Variants in MLLT3 observed in about 807,000 individuals in gnomAD.
The protein encoded by MLLT3 is MLLT3 super elongation complex subunit, also known as protein AF-9.
Under a neutral mutation model 53.2 loss-of-function variants are expected in MLLT3, and 4 were observed. That is an observed-to-expected ratio of 0.08 (90% CI 0.04 to 0.17). The LOEUF is 0.17. Among genes scored for constraint, MLLT3 ranks in the 10% least tolerant of loss-of-function variants. The probability of loss-of-function intolerance (pLI) is 1.00; values close to 1 mark genes in which losing one functional copy is unlikely to be tolerated. For synonymous variants in MLLT3, 283 were observed against 230.6 expected (o/e 1.23, Z -2.06); for missense variants, 569 against 684.0 (o/e 0.83, Z 1.87).
chr9:20,343,701 T>C lies in MLLT3; in HGVS notation c.*2742A>G, dbSNP rs1820797658. The C allele has an allele frequency of 4.5e-6, 1 of 221,554 alleles. No individual in the cohort carries two copies. Among genetic ancestry groups the C allele is most frequent in the African/African-American group, 2.2e-5 (1 of 44,660 alleles). 13.7% of individuals were successfully genotyped at this position (221,554 alleles called of 1,614,324 possible). ...TCAAACCATATTCACATTTACCCAA[T>C]TAATTTTATTTGAAACATCTATTTA... On this transcript the variant is annotated 3_prime_UTR_variant, in exon 11 of 11. Transcript: ENST00000380338.
Position 20,354,793 on chromosome 9 carries a change from A to G in MLLT3, c.1503+15T>C. The G allele has an allele frequency of 6.3e-7, 1 of 1,577,148 alleles. No individual in the cohort carries two copies. On this transcript the variant is annotated intron_variant, in intron 9 of 10. Coordinates refer to ENST00000380338, the MANE Select transcript of MLLT3 (RefSeq NM_004529.4). ...TCAGTGTTGGAGCCCTCCTAGTAAC[A>G]GACTAGAAACCTACCTTGTCACATT... is the stretch of plus-strand genomic sequence containing the variant.
At chr9:20,406,595 G>T (rs1441065796) in intron 5 of MLLT3, among the ~76,000 whole-genome samples, 2 of 152,104 alleles carry the variant, frequency 1.3e-5, no homozygotes, top group African/African-American at 4.8e-5. Context: ...TAAGCACTGA[G>T]GTCTCAAACC....
intron 2 of MLLT3, among the ~76,000 whole-genome samples, chr9:20,462,673 T>G (rs1824139950): frequency 6.6e-6 from 1 of 152,122 alleles, no homozygotes; most frequent in Non-Finnish European, 1.5e-5. Flanking sequence ...TGCATCATAT[T>G]AGCTAATCCT....
At chr9:20,424,849 G>A (rs1250355213) in intron 4 of MLLT3, among the ~76,000 whole-genome samples, 1 of 152,118 alleles carries the variant, frequency 6.6e-6, no homozygotes, top group Non-Finnish European at 1.5e-5. Context: ...CACAAAGTGA[G>A]CCTAATGATT....
chr9:20,583,418 A>T (rs1308800721), intron 2 of MLLT3, among the ~76,000 whole-genome samples: 7 of 152,076 alleles, frequency 4.6e-5, no homozygotes. Flanking sequence ...CCTTCTTCTC[A>T]CAGTTCCACT....
At chr9:20,426,578 G>A (rs889584753) in intron 4 of MLLT3, among the ~76,000 whole-genome samples, 2 of 152,022 alleles carry the variant, frequency 1.3e-5, no homozygotes, top group Admixed American at 6.6e-5. Context: ...ATGCTATCTT[G>A]TTACCTTCTC....
intron 5 of MLLT3, among the ~76,000 whole-genome samples, chr9:20,396,355 G>A (rs1208878344): frequency 1.3e-5 from 2 of 152,030 alleles, no homozygotes; most frequent in African/African-American, 4.8e-5. Context: ...TATGTGCCAG[G>A]TACTTTTTAC....
At chr9:20,423,548 C>G (rs1270249406) in intron 4 of MLLT3, among the ~76,000 whole-genome samples, 2 of 151,956 alleles carry the variant, frequency 1.3e-5, no homozygotes, top group Non-Finnish European at 1.5e-5. Context: ...TACAGTGGCT[C>G]ATACCTGTAA....
In MLLT3 at chr9:20,354,862, A is replaced by G. The variant is rs1193718245; in HGVS notation, c.1449T>C (p.Ser483=). 2 of 1,612,148 alleles carry G rather than the reference A, an allele frequency of 1.2e-6. No homozygotes were observed. The highest frequency in any genetic ancestry group is 4.5e-5 in the East Asian group (2 of 44,848). Residue 483 remains serine (S), a synonymous_variant, in exon 9 of 11, where the codon AGT becomes AGC. Coordinates refer to ENST00000380338, the MANE Select transcript of MLLT3 (RefSeq NM_004529.4). ...TATCTGATTTGCTTTGCTTTATTGGACTTTTCACTTCAAGAATCTAGGGAT... is the reference window on the plus strand; with the variant it reads ...TATCTGATTTGCTTTGCTTTATTGGGCTTTTCACTTCAAGAATCTAGGGAT... ...TNNNQILEVK[S]PIKQSKSDKQ...
chr9:20,510,495 C>G (rs1182054960), intron 2 of MLLT3, among the ~76,000 whole-genome samples: 2 of 151,608 alleles, frequency 1.3e-5, no homozygotes, highest in African/African-American at 4.9e-5. Context: ...ACCTCTAATC[C>G]CAGCTACTCA....
chr9:20,498,998 G>T (rs1330169871), intron 2 of MLLT3, among the ~76,000 whole-genome samples: 2 of 152,134 alleles, frequency 1.3e-5, no homozygotes, highest in African/African-American at 4.8e-5. Flanking sequence ...AGTGTCAGTA[G>T]GGCCATATTC....
At chr9:20,403,022 T>C (rs1327556409) in intron 5 of MLLT3, among the ~76,000 whole-genome samples, 1 of 151,920 alleles carries the variant, frequency 6.6e-6, no homozygotes, top group East Asian at 1.9e-4. Flanking sequence ...GGAGGAGAGT[T>C]TGGGAAAGTG....
rs574141252 is a variant in MLLT3, at chr9:20,586,695, T to A, written c.193+33959A>T. ...TAAACATCAAGGAGTTTTTTTTTTT[T>A]ACCTCTTTCCAAGGGAGGAGAGGAA... is the stretch of plus-strand genomic sequence containing the variant. On this transcript the variant is annotated intron_variant, in intron 2 of 10. Transcript: ENST00000380338. Among the ~76,000 whole-genome samples the A allele has an allele frequency of 3.2e-3, 468 of 144,354 alleles. 1 individual carries two copies. Among genetic ancestry groups the A allele is most frequent in the Non-Finnish European group, 4.1e-3 (269 of 65,104 alleles). 94.7% of individuals were successfully genotyped at this position (144,354 alleles called of 152,430 possible).
chr9:20,547,373 G>A (rs924135213), intron 2 of MLLT3, among the ~76,000 whole-genome samples: 1 of 151,922 alleles, frequency 6.6e-6, no homozygotes, highest in African/African-American at 2.4e-5. Flanking sequence ...GCCAGGCATG[G>A]TGGCTCACGC....
intron 2 of MLLT3, among the ~76,000 whole-genome samples, chr9:20,476,638 TG>T (rs1302332771): frequency 6.6e-6 from 1 of 152,170 alleles, no homozygotes; most frequent in East Asian, 1.9e-4. Context: ...ATATGGTACC[TG>T]GTTGAGATTC....
chr9:20,396,768 T>A (rs1189110882), intron 5 of MLLT3, among the ~76,000 whole-genome samples: 1 of 152,058 alleles, frequency 6.6e-6, no homozygotes, highest in Non-Finnish European at 1.5e-5. Context: ...TGTATGACAC[T>A]GTCATTGATA....
chr9:20,521,019 A>T (rs796993233), intron 2 of MLLT3, among the ~76,000 whole-genome samples: 8 of 152,142 alleles, frequency 5.3e-5, no homozygotes, highest in African/African-American at 1.9e-4. Context: ...CTTTGAAATA[A>T]TTTTTTTAAA....
intron 5 of MLLT3, among the ~76,000 whole-genome samples, chr9:20,408,655 T>C (rs1822648018): frequency 2.0e-5 from 3 of 152,132 alleles, no homozygotes; most frequent in Admixed American, 1.3e-4. Flanking sequence ...TTACAGACTT[T>C]ACAGCTCTTG....
rs182436275 is a variant in MLLT3, at chr9:20,488,242, C to A, written c.194-31456G>T. On this transcript the variant is annotated intron_variant, in intron 2 of 10. Coordinates refer to ENST00000380338, the MANE Select transcript of MLLT3 (RefSeq NM_004529.4). ...GGAATTACTACTTAATAGGTAGAAA[C>A]TTCCAGCTTGGGGTAACAAAAAAGC... Among the ~76,000 whole-genome samples the A allele has an allele frequency of 8.5e-4, 130 of 152,116 alleles. 3 individuals carry two copies. In the East Asian group the frequency reaches 0.017, roughly 20 times the overall value.
Sources: allele counts gnomAD v4.1 joint callset (sites outside exome capture counted in the v4.1 genomes callset), GRCh38; gene constraint gnomAD v4.1.1; transcripts MANE v1.5; gene names NCBI Gene and HGNC (gene_info 2026-07-23, HGNC 2026-07-21).